Variants in LRRCC1 observed in about 807,000 individuals in gnomAD.
The protein encoded by LRRCC1 is leucine rich repeat and coiled-coil centrosomal protein 1, also known as leucine-rich repeat and coiled-coil domain-containing protein 1.
In LRRCC1, 115 loss-of-function variants were observed where a neutral mutation model predicts 126.0. The observed-to-expected ratio is 0.91, with a 90% confidence interval of 0.78 to 1.07. LRRCC1 has a LOEUF of 1.07. Ranked by LOEUF, LRRCC1 falls within the 50% of genes least tolerant of loss-of-function variation. The pLI is 0.00. For missense variants in LRRCC1, 1,172 were observed against 1,175.7 expected (o/e 1.00, Z 0.05); for synonymous variants, 400 against 393.4 (o/e 1.02, Z -0.20).
chr8:85,122,706 T>C (rs1587396015), intron 6 of LRRCC1, among the ~76,000 whole-genome samples: 1 of 152,342 alleles, frequency 6.6e-6, no homozygotes, highest in East Asian at 1.9e-4. Context: ...TTGAGTCATC[T>C]CAGGTTTGGT....
Position 85,145,373 on chromosome 8 carries a change from T to G in LRRCC1, c.2977-16T>G, listed in dbSNP as rs755790220. The G allele has an allele frequency of 6.9e-7, 1 of 1,445,698 alleles. No individual in the cohort carries two copies. The highest frequency in any genetic ancestry group is 9.1e-7 in the Non-Finnish European group (1 of 1,093,276). The allele number at this position is 1,445,698 out of a possible 1,614,324, so 89.6% of individuals were successfully genotyped here. A position where few individuals can be genotyped will look rare whatever the true frequency, so the allele number is the denominator to read the frequency against. ...TCTTTAAGAAATTAAAATGTAAAAT[T>G]TACATGTCGATTTAGGTCCATCAAA... On this transcript the variant is annotated splice_polypyrimidine_tract_variant and intron_variant, in intron 18 of 18. Coordinates refer to ENST00000360375, the MANE Select transcript of LRRCC1 (RefSeq NM_033402.5).
intron 11 of LRRCC1, among the ~76,000 whole-genome samples, chr8:85,130,665 T>C (rs1563949052): frequency 6.6e-6 from 1 of 152,186 alleles, no homozygotes; most frequent in Non-Finnish European, 1.5e-5. Context: ...AAGTTGGTCT[T>C]TATATAGAGA....
intron 6 of LRRCC1, among the ~76,000 whole-genome samples, chr8:85,116,378 AT>A (rs553696146): frequency 1.8e-3 from 258 of 146,464 alleles, no homozygotes; most frequent in East Asian, 0.014. Flanking sequence ...ATTGTTACTA[AT>A]TTTTTTTTTT....
intron 11 of LRRCC1, among the ~76,000 whole-genome samples, chr8:85,131,484 A>T (rs770065974): frequency 3.9e-5 from 6 of 152,362 alleles, no homozygotes; most frequent in Non-Finnish European, 8.8e-5. Context: ...ATGCAAATGC[A>T]TCTGAAGAAT....
intron 9 of LRRCC1, among the ~76,000 whole-genome samples, chr8:85,127,295 G>T (rs2135962166): frequency 8.8e-6 from 1 of 113,598 alleles, no homozygotes; most frequent in Non-Finnish European, 2.1e-5. Flanking sequence ...ATTTTATCTG[G>T]GTTTTTTGTT....
chr8:85,141,684 T>C (rs1040824443), intron 18 of LRRCC1, among the ~76,000 whole-genome samples, 167 bp downstream of exon 18: 1 of 152,230 alleles, frequency 6.6e-6, no homozygotes, highest in South Asian at 2.1e-4. Flanking sequence ...ACGTTGGTAA[T>C]ACTTAGATTA....
chr8:85,111,897 T>C (rs557967822), intron 3 of LRRCC1, among the ~76,000 whole-genome samples: 19 of 151,118 alleles, frequency 1.3e-4, no homozygotes, highest in African/African-American at 4.6e-4. Flanking sequence ...TAATTTGAGG[T>C]AAAGTCTCGC....
intron 1 of LRRCC1, chr8:85,109,366 A>G (rs997102303): frequency 5.9e-6 from 3 of 512,310 alleles, no homozygotes; most frequent in Non-Finnish European, 1.0e-5. Flanking sequence ...GCCCACTGTC[A>G]CTTGCCTGCC....
intron 15 of LRRCC1, 57 bp from the exon 16 acceptor site, chr8:85,137,978 C>A: frequency 1.2e-6 from 1 of 835,238 alleles, no homozygotes; most frequent in Non-Finnish European, 1.9e-6. Context: ...ATCTAATTAA[C>A]CAGAATATGA....
chr8:85,144,468 ATATATAT>A (rs201946809), intron 18 of LRRCC1, among the ~76,000 whole-genome samples: 11,621 of 40,078 alleles, frequency 0.29, 627 homozygotes, highest in Non-Finnish European at 0.35. Flanking sequence ...ATATATATAT[ATATATAT>A]TTTTTTTTTT....
At chr8:85,120,129 G>GT (rs1172064731) in intron 6 of LRRCC1, among the ~76,000 whole-genome samples, 14 of 150,882 alleles carry the variant, frequency 9.3e-5, no homozygotes, top group African/African-American at 2.2e-4. Flanking sequence ...AATTTATTGA[G>GT]TTTTTTTTTA....
At chr8:85,112,839 C>T in intron 3 of LRRCC1, 93 bp from the exon 4 acceptor site, 1 of 834,508 alleles carries the variant, frequency 1.2e-6, no homozygotes, top group Non-Finnish European at 1.8e-6. Flanking sequence ...TGCCCGTTTG[C>T]CTCTAAAAGT....
chr8:85,138,747 A>G (rs1811048635), intron 17 of LRRCC1, among the ~76,000 whole-genome samples: 1 of 152,214 alleles, frequency 6.6e-6, no homozygotes, highest in Admixed American at 6.5e-5. Context: ...CCTGACACAT[A>G]AGAATTGCTA....
chr8:85,134,704 G>C, intron 12 of LRRCC1, 143 bp from the exon 13 acceptor site: 1 of 572,818 alleles, frequency 1.7e-6, no homozygotes, highest in Non-Finnish European at 3.0e-6. Flanking sequence ...CTGGATCTCT[G>C]TTTCATCATC....
At chr8:85,123,000 GA>G (rs1809684340) in intron 6 of LRRCC1, among the ~76,000 whole-genome samples, 1 of 152,148 alleles carries the variant, frequency 6.6e-6, no homozygotes, top group African/African-American at 2.4e-5. Flanking sequence ...TTCAGGCCCA[GA>G]AGTCTGGTTT....
chr8:85,125,455 C>T (rs890915081), intron 8 of LRRCC1, among the ~76,000 whole-genome samples: 8 of 151,238 alleles, frequency 5.3e-5, no homozygotes, highest in Non-Finnish European at 8.8e-5. Flanking sequence ...GGGCGGATCA[C>T]GAGGTCAGGA....
At chr8:85,139,393 T>G (rs1403643177) in intron 17 of LRRCC1, among the ~76,000 whole-genome samples, 1 of 152,064 alleles carries the variant, frequency 6.6e-6, no homozygotes. Flanking sequence ...GCCTCCCGAG[T>G]AGCTGGGATT....
rs762173060 is a variant in LRRCC1 at position 85,115,265 on chromosome 8, G to A, written c.710G>A (p.Ser237Asn). Reference protein sequence around the residue: ...LVSSDSPLNISEDEIIDRMPV... With the variant: ...LVSSDSPLNINEDEIIDRMPV... The stretch of plus-strand genomic sequence containing the variant: ...TCTTCTGATTCTCCCCTAAATATAA[G>A]TGAAGATGAGGTATAGTATTTACTT... The change falls in exon 5 of 19, where the codon AGT (serine) becomes AAT (asparagine). Residue 237 changes from serine to asparagine, a missense_variant. Coordinates refer to ENST00000360375, the MANE Select transcript of LRRCC1 (RefSeq NM_033402.5). 6.2e-7 allele frequency: 1 copy of A among 1,602,474 alleles called. No individual in the cohort carries two copies. Among genetic ancestry groups the A allele is most frequent in the Non-Finnish European group, 8.5e-7 (1 of 1,174,050 alleles).
intron 17 of LRRCC1, among the ~76,000 whole-genome samples, chr8:85,140,828 C>T (rs1028051788): frequency 1.6e-4 from 24 of 152,010 alleles, no homozygotes; most frequent in Admixed American, 1.1e-3. Flanking sequence ...TTTGGGAGGC[C>T]GAGGCGGGCA....
Sources: gnomAD v4.1 joint callset for allele counts (sites outside exome capture counted in the v4.1 genomes callset) on GRCh38, gnomAD v4.1.1 for gene constraint, MANE v1.5 for transcripts, NCBI Gene and HGNC (gene_info 2026-07-23, HGNC 2026-07-21) for gene names.